The following ADAMTS17 variants were observed in gnomAD, a reference collection of about 807,000 sequenced individuals.
ADAMTS17 encodes ADAM metallopeptidase with thrombospondin type 1 motif 17, also known as A disintegrin and metalloproteinase with thrombospondin motifs 17.
A neutral mutation model predicts 141.5 loss-of-function variants in ADAMTS17; 113 were observed. The observed-to-expected ratio is 0.80, with a 90% CI of 0.69 to 0.93. The LOEUF (loss-of-function observed/expected upper bound fraction) is 0.93, where lower values mean the gene tolerates loss of function less well. Among genes scored for constraint, ADAMTS17 ranks in the 40% least tolerant of loss-of-function variants. The pLI is 0.00. For synonymous variants in ADAMTS17, 768 were observed against 630.6 expected (o/e 1.22, Z -3.27); for missense variants, 1,659 against 1,517.9 (o/e 1.09, Z -1.54).
At chr15:100,314,319 G>T (rs2045494573) in intron 3 of ADAMTS17, among the ~76,000 whole-genome samples, 1 of 152,212 alleles carries the variant, frequency 6.6e-6, no homozygotes, top group Non-Finnish European at 1.5e-5. Flanking sequence ...AAATGCAAAT[G>T]GCGTATTAGA....
chr15:100,086,316 A>G (rs2035097917), intron 15 of ADAMTS17, among the ~76,000 whole-genome samples: 1 of 151,208 alleles, frequency 6.6e-6, no homozygotes, highest in Non-Finnish European at 1.5e-5. Context: ...ATATATATGC[A>G]CCCAATACAG....
Position 100,152,751 on chromosome 15 carries a change from C to T in ADAMTS17, c.1334G>A (p.Ser445Asn). 6.2e-7 allele frequency: 1 copy of T among 1,614,116 alleles called. No individual in the cohort carries two copies. Among genetic ancestry groups the T allele is most frequent in the Non-Finnish European group, 8.5e-7 (1 of 1,180,042 alleles). The change falls in exon 10 of 22, where the codon AGC (serine) becomes AAC (asparagine). Residue 445 changes from serine (S) to asparagine (N), a missense_variant. By Grantham distance (46) the Ser-to-Asn change is conservative. Transcript: ENST00000268070. ...GGGGTCCGTGACTAGCAAGCAGGTG[C>T]TGACTTTTGACCTGAAACAGCCGAG... ...DLENFLKSKV[S>N]TCLLVTDPRS...
intron 3 of ADAMTS17, among the ~76,000 whole-genome samples, chr15:100,295,725 C>G (rs1205828283): frequency 3.3e-5 from 5 of 152,172 alleles, no homozygotes; most frequent in South Asian, 4.1e-4. Context: ...CTGACATAAC[C>G]AATTCCCTGT....
intron 8 of ADAMTS17, among the ~76,000 whole-genome samples, chr15:100,162,431 T>C (rs150250893): frequency 1.8e-4 from 26 of 143,924 alleles, no homozygotes; most frequent in African/African-American, 6.4e-4. Flanking sequence ...ACTATATAGT[T>C]ATATATACAC....
At chr15:100,233,113 G>A (rs144949690) in intron 7 of ADAMTS17, among the ~76,000 whole-genome samples, 2 of 152,184 alleles carry the variant, frequency 1.3e-5, no homozygotes, top group Non-Finnish European at 2.9e-5. Flanking sequence ...TGGATCACCT[G>A]AGGTCAGGAG....
chr15:100,222,977 A>AATT (rs2042181858), intron 7 of ADAMTS17, among the ~76,000 whole-genome samples: 1 of 152,246 alleles, frequency 6.6e-6, no homozygotes, highest in Non-Finnish European at 1.5e-5. Flanking sequence ...AATTCTACGA[A>AATT]GAAAGCTAGG....
intron 7 of ADAMTS17, among the ~76,000 whole-genome samples, chr15:100,202,895 G>A (rs1277191547): frequency 6.6e-6 from 1 of 152,206 alleles, no homozygotes; most frequent in Non-Finnish European, 1.5e-5. Flanking sequence ...CTTATGCTGG[G>A]GAGAGGCTTT....
At chr15:100,040,973 A>C (rs898060765) in intron 18 of ADAMTS17, among the ~76,000 whole-genome samples, 1 of 152,232 alleles carries the variant, frequency 6.6e-6, no homozygotes, top group African/African-American at 2.4e-5. Flanking sequence ...ACTAGCAAGA[A>C]ATTGATTAAA....
chr15:100,088,380 G>T (rs1385676091), intron 15 of ADAMTS17, among the ~76,000 whole-genome samples: 1 of 152,146 alleles, frequency 6.6e-6, no homozygotes, highest in East Asian at 1.9e-4. Flanking sequence ...TCATGGGTAG[G>T]AAGAATCAAT....
chr15:100,164,619 G>A (rs970667541), intron 8 of ADAMTS17, among the ~76,000 whole-genome samples: 4 of 152,142 alleles, frequency 2.6e-5, no homozygotes, highest in South Asian at 2.1e-4. Flanking sequence ...GCAGCCCCTC[G>A]AGCTGAAAAC....
At chr15:100,242,518 T>C (rs2042858117) in intron 7 of ADAMTS17, among the ~76,000 whole-genome samples, 1 of 152,202 alleles carries the variant, frequency 6.6e-6, no homozygotes, top group African/African-American at 2.4e-5. Context: ...ATTCACTCCC[T>C]GGTGACACTT....
At chr15:100,218,414 G>A (rs998605897) in intron 7 of ADAMTS17, among the ~76,000 whole-genome samples, 2 of 152,136 alleles carry the variant, frequency 1.3e-5, no homozygotes, top group African/African-American at 2.4e-5. Context: ...ATTTTTGAAT[G>A]GGCAAATGAT....
In ADAMTS17 at chr15:100,155,191, T is replaced by C; in HGVS notation, c.1311A>G (p.Glu437=). 1 of 1,614,238 alleles carries C rather than the reference T, an allele frequency of 6.2e-7. No homozygotes were observed. The highest frequency in any genetic ancestry group is 8.5e-7 in the Non-Finnish European group (1 of 1,180,044). Reference sequence around the variant, plus strand: ...ATTCCAGGACTTACTTGAGGAAGTTTTCAAGGTCATCTCGGCTGCAGGAGG... The same window carrying C: ...ATTCCAGGACTTACTTGAGGAAGTTCTCAAGGTCATCTCGGCTGCAGGAGG... ...SWSSCSRDDL[E]NFLKSKVSTC... is the part of the protein sequence containing the mutation. Residue 437 remains glutamate, a synonymous_variant, in exon 9 of 22, where the codon GAA becomes GAG. Transcript: ENST00000268070.
chr15:100,051,763 G>T (rs200386775), intron 16 of ADAMTS17, 32 bp from the exon 17 acceptor site: 5 of 1,613,774 alleles, frequency 3.1e-6, no homozygotes, highest in Non-Finnish European at 4.2e-6. Flanking sequence ...AGGCCATTTT[G>T]AAAAGGAAGG....
At chr15:100,079,349 A>G (rs2034583324) in intron 15 of ADAMTS17, among the ~76,000 whole-genome samples, 1 of 152,254 alleles carries the variant, frequency 6.6e-6, no homozygotes, top group Non-Finnish European at 1.5e-5. Flanking sequence ...ATCTCCAAAC[A>G]ATGGAATAGT....
chr15:100,112,237 G>A (rs370152186), intron 13 of ADAMTS17, among the ~76,000 whole-genome samples: 2 of 152,166 alleles, frequency 1.3e-5, no homozygotes, highest in Non-Finnish European at 2.9e-5. Flanking sequence ...AGCCTTGCAC[G>A]AAGGAACGCT....
At chr15:100,315,998 A>C (rs2045554999) in intron 3 of ADAMTS17, among the ~76,000 whole-genome samples, 1 of 152,256 alleles carries the variant, frequency 6.6e-6, no homozygotes, top group South Asian at 2.1e-4. Context: ...TGCTTTGTGG[A>C]ATGACTCTAT....
chr15:100,014,319 T>C (rs1042947522), intron 18 of ADAMTS17, among the ~76,000 whole-genome samples: 1 of 152,186 alleles, frequency 6.6e-6, no homozygotes, highest in Non-Finnish European at 1.5e-5. Flanking sequence ...ATTTTATTTA[T>C]CTTTTCAAAG....
chr15:100,171,204 T>C (rs894581590), intron 8 of ADAMTS17, among the ~76,000 whole-genome samples: 1 of 152,170 alleles, frequency 6.6e-6, no homozygotes, highest in African/African-American at 2.4e-5. Context: ...CCCAGGGATG[T>C]CCGATGGGAC....
Sources: gnomAD v4.1 joint callset for allele counts (sites outside exome capture counted in the v4.1 genomes callset) on GRCh38, gnomAD v4.1.1 for gene constraint, MANE v1.5 for transcripts, NCBI Gene and HGNC (gene_info 2026-07-23, HGNC 2026-07-21) for gene names.